RBFOX1: variants seen among roughly 807,000 people sequenced by gnomAD.
The protein encoded by RBFOX1 is RNA binding protein fox-1 homolog 1.
In RBFOX1, 8 loss-of-function variants were observed where a neutral mutation model predicts 57.7. The ratio of observed to expected loss-of-function variants is 0.14; its 90% CI spans 0.08 to 0.25. The LOEUF (loss-of-function observed/expected upper bound fraction) is 0.25, where lower values mean the gene tolerates loss of function less well. RBFOX1 is among the 10% of genes least tolerant of loss of function. RBFOX1 has a pLI of 1.00. For synonymous variants in RBFOX1, 326 were observed against 222.4 expected, an observed-to-expected ratio of 1.47 and a Z score of -4.15; for missense variants, 611 against 548.5, an observed-to-expected ratio of 1.11 and a Z score of -1.14.
chr16:7,325,059 C>T (rs974255431), intron 4 of RBFOX1, among the ~76,000 whole-genome samples: 15 of 152,292 alleles, frequency 9.8e-5, no homozygotes, highest in Admixed American at 3.9e-4. Context: ...TTTGTTAGCA[C>T]GCTTTCATTT....
At chr16:6,965,286 TAAAC>T (rs940695517) in intron 3 of RBFOX1, among the ~76,000 whole-genome samples, 9 of 151,764 alleles carry the variant, frequency 5.9e-5, no homozygotes, top group African/African-American at 1.2e-4. Flanking sequence ...TGACCAAACA[TAAAC>T]AAATCCAATT....
In RBFOX1 at chr16:7,309,167, G is replaced by A. The variant is rs562505810; in HGVS notation, c.28-208980G>A. Among the ~76,000 whole-genome samples the A allele has an allele frequency of 2.1e-3, 318 of 152,296 alleles. 3 individuals are homozygous for A. In the Middle Eastern group the frequency reaches 0.037, roughly 18 times the overall value. ...GTCTCTTTCTAGAGGGATGTCTTAC[G>A]TCGTAAATTGGTTAACCAATCTTTC... On this transcript the variant is annotated intron_variant, in intron 4 of 15. Transcript: ENST00000550418.
chr16:6,100,408 C>T (rs1386427144), intron 1 of RBFOX1, among the ~76,000 whole-genome samples: 2 of 152,172 alleles, frequency 1.3e-5, no homozygotes, highest in South Asian at 2.1e-4. Flanking sequence ...GTGATCCGCC[C>T]GCCGCGGCCT....
chr16:7,461,410 C>T (rs987203838), intron 4 of RBFOX1, among the ~76,000 whole-genome samples: 1 of 152,132 alleles, frequency 6.6e-6, no homozygotes, highest in Admixed American at 6.5e-5. Context: ...TCGTGATCCG[C>T]TCACCTTAGC....
intron 2 of RBFOX1, among the ~76,000 whole-genome samples, chr16:5,474,065 C>G (rs7184955): frequency 0.65 from 98,492 of 151,894 alleles, 32,060 homozygotes; most frequent in South Asian, 0.77. Flanking sequence ...TGAATGGGTG[C>G]ATGGACAGAC....
chr16:7,185,699 C>G (rs1354867751), intron 4 of RBFOX1, among the ~76,000 whole-genome samples: 5 of 152,180 alleles, frequency 3.3e-5, no homozygotes, highest in East Asian at 3.8e-4. Flanking sequence ...CAAAGGCACT[C>G]TTTTTTGCTA....
chr16:5,317,225 A>G (rs973085517), intron 1 of RBFOX1, among the ~76,000 whole-genome samples: 1 of 152,170 alleles, frequency 6.6e-6, no homozygotes, highest in Non-Finnish European at 1.5e-5. Context: ...ATCTCTCGAT[A>G]TATGTATGTG....
intron 1 of RBFOX1, among the ~76,000 whole-genome samples, chr16:6,106,284 C>T (rs1263553673): frequency 3.7e-5 from 5 of 134,868 alleles, no homozygotes; most frequent in Admixed American, 1.5e-4. Context: ...ATGGCAAAAC[C>T]CCATCTCTAG....
At chr16:5,298,491 G>A (rs1209938434) in intron 1 of RBFOX1, among the ~76,000 whole-genome samples, 5 of 19,648 alleles carry the variant, frequency 2.5e-4, no homozygotes, top group African/African-American at 8.1e-4. Flanking sequence ...CCCTCCCCTC[G>A]CCTCCCCTAA....
intron 1 of RBFOX1, among the ~76,000 whole-genome samples, chr16:6,315,058 AT>A (rs1423502892): frequency 1.3e-5 from 2 of 152,232 alleles, no homozygotes; most frequent in Non-Finnish European, 2.9e-5. Flanking sequence ...TTAATAAACA[AT>A]AAACTTTTAA....
intron 3 of RBFOX1, among the ~76,000 whole-genome samples, chr16:6,993,114 G>T (rs923520201): frequency 6.6e-6 from 1 of 152,128 alleles, no homozygotes; most frequent in Non-Finnish European, 1.5e-5. Context: ...CTTTGGTTCT[G>T]TGTAGGATCC....
intron 4 of RBFOX1, among the ~76,000 whole-genome samples, chr16:7,262,895 A>C (rs1394213247): frequency 6.6e-6 from 1 of 152,220 alleles, no homozygotes; most frequent in Admixed American, 6.5e-5. Context: ...CTTATTTGAA[A>C]GCCACAGCCT....
chr16:5,992,625 C>G (rs1036177076), intron 4 of RBFOX1, among the ~76,000 whole-genome samples: 2 of 152,134 alleles, frequency 1.3e-5, no homozygotes, highest in African/African-American at 4.8e-5. Context: ...CTAATATTTT[C>G]TGACAGGAGA....
At chr16:7,222,083 C>T (rs927890283) in intron 4 of RBFOX1, among the ~76,000 whole-genome samples, 6 of 152,176 alleles carry the variant, frequency 3.9e-5, no homozygotes, top group African/African-American at 7.2e-5. Context: ...CTCTGTGTCA[C>T]TGCTTCCAGC....
chr16:7,466,865 A>G (rs1273183427), intron 4 of RBFOX1, among the ~76,000 whole-genome samples: 3 of 152,198 alleles, frequency 2.0e-5, no homozygotes, highest in Non-Finnish European at 2.9e-5. Flanking sequence ...GAGCAGGAAG[A>G]GACCAAAATG....
intron 3 of RBFOX1, among the ~76,000 whole-genome samples, chr16:5,816,752 C>G (rs1194763421): frequency 6.6e-6 from 1 of 152,144 alleles, no homozygotes. Flanking sequence ...CCACTGTACT[C>G]TAGCCTGGGT....
intron 4 of RBFOX1, among the ~76,000 whole-genome samples, chr16:7,189,586 C>CAA (rs1291219168): frequency 1.4e-5 from 2 of 145,920 alleles, no homozygotes; most frequent in Non-Finnish European, 3.0e-5. Context: ...CACACACACA[C>CAA]ATACACACAC....
At chr16:6,068,021 G>T (rs2095789375) in intron 1 of RBFOX1, among the ~76,000 whole-genome samples, 1 of 152,184 alleles carries the variant, frequency 6.6e-6, no homozygotes, top group Non-Finnish European at 1.5e-5. Context: ...ATATGACCAA[G>T]ATTTCCTCGA....
intron 3 of RBFOX1, among the ~76,000 whole-genome samples, chr16:5,702,573 G>A (rs981373849): frequency 2.0e-5 from 3 of 152,166 alleles, no homozygotes; most frequent in Admixed American, 6.5e-5. Context: ...AGAGGAACAA[G>A]GTTTGAGAGA....
Sources: allele counts gnomAD v4.1 joint callset (sites outside exome capture counted in the v4.1 genomes callset), GRCh38; gene constraint gnomAD v4.1.1; transcripts MANE v1.5; gene names NCBI Gene and HGNC (gene_info 2026-07-23, HGNC 2026-07-21).